ARL15: variants seen among roughly 807,000 people sequenced by gnomAD.
ARL15 encodes ADP-ribosylation factor-like protein 15.
Under a neutral mutation model 25.2 loss-of-function variants are expected in ARL15, and 19 were observed. The ratio of observed to expected loss-of-function variants is 0.75; its 90% confidence interval spans 0.53 to 1.10. ARL15 has a LOEUF of 1.10. Ranked by LOEUF, ARL15 falls within the 50% of genes least tolerant of loss-of-function variation. The pLI is 0.00. For missense variants in ARL15, 220 were observed against 246.0 expected (o/e 0.89, Z 0.71); for synonymous variants, 94 against 86.8 (o/e 1.08, Z -0.46).
intron 4 of ARL15, among the ~76,000 whole-genome samples, chr5:54,046,475 T>C (rs1750518264): frequency 6.6e-6 from 1 of 152,132 alleles, no homozygotes; most frequent in South Asian, 2.1e-4. Context: ...AGCGAGACTC[T>C]GTCTCAAAAT....
chr5:54,185,199 C>T (rs371986849), intron 1 of ARL15, among the ~76,000 whole-genome samples: 4 of 152,168 alleles, frequency 2.6e-5, no homozygotes, highest in African/African-American at 9.7e-5. Flanking sequence ...CTATGCACCT[C>T]CATGCAGTTT....
At chr5:54,302,768 G>A (rs919481499) in intron 1 of ARL15, among the ~76,000 whole-genome samples, 2 of 135,750 alleles carry the variant, frequency 1.5e-5, no homozygotes, top group Non-Finnish European at 3.0e-5. Flanking sequence ...TGAACCCAGC[G>A]GTTGCATGGC....
intron 4 of ARL15, among the ~76,000 whole-genome samples, chr5:53,978,633 AAAAG>A (rs749870507): frequency 0.059 from 8,658 of 147,916 alleles, 475 homozygotes; most frequent in Admixed American, 0.073. Flanking sequence ...AAAAAAAAAA[AAAAG>A]AAAAGAAAAG....
At chr5:54,263,529 C>T (rs1441796825) in intron 1 of ARL15, among the ~76,000 whole-genome samples, 1 of 152,038 alleles carries the variant, frequency 6.6e-6, no homozygotes, top group Admixed American at 6.6e-5. Flanking sequence ...GTATGCTTCC[C>T]AGCCCATTAT....
intron 1 of ARL15, among the ~76,000 whole-genome samples, chr5:54,253,067 A>G (rs1415920213): frequency 2.0e-5 from 3 of 151,956 alleles, no homozygotes; most frequent in Non-Finnish European, 4.4e-5. Flanking sequence ...GAATCAGGAG[A>G]GGGGACAATT....
chr5:54,039,848 T>TGCAGCTA (rs1750283359), intron 4 of ARL15, among the ~76,000 whole-genome samples: 1 of 130,818 alleles, frequency 7.6e-6, no homozygotes, highest in Non-Finnish European at 1.6e-5. Context: ...AATTAATAAA[T>TGCAGCTA]GCAGCTAGAA....
intron 4 of ARL15, among the ~76,000 whole-genome samples, chr5:54,030,803 G>C (rs943088150): frequency 6.6e-6 from 1 of 152,180 alleles, no homozygotes; most frequent in South Asian, 2.1e-4. Context: ...AGGGCAAAGA[G>C]CACTAAAATG....
At chr5:54,160,861 G>T (rs1344069533) in intron 2 of ARL15, among the ~76,000 whole-genome samples, 1 of 152,082 alleles carries the variant, frequency 6.6e-6, no homozygotes, top group East Asian at 1.9e-4. Context: ...AACTCTGAAG[G>T]TAGATTCTCT....
intron 3 of ARL15, among the ~76,000 whole-genome samples, chr5:54,144,368 T>G (rs1223934721): frequency 6.6e-6 from 1 of 152,158 alleles, no homozygotes. Context: ...TCTTTTTGTA[T>G]GTCATTCTGA....
intron 1 of ARL15, among the ~76,000 whole-genome samples, chr5:54,289,793 TA>T (rs972621512): frequency 2.0e-5 from 3 of 152,234 alleles, no homozygotes; most frequent in Non-Finnish European, 4.4e-5. Context: ...CAATGAGTTA[TA>T]AAAGGAAATA....
At position 54,171,859 on chromosome 5, in the gene ARL15, G is replaced by C; in HGVS notation, c.118C>G (p.Leu40Val). The change falls in exon 2 of 5, where the codon CTC becomes GTC. Residue 40 changes from leucine (L) to valine (V), a missense_variant. By Grantham distance (32) the Leu-to-Val change is conservative. Transcript: ENST00000504924. ...RPEYDLVCIG[L>V]TGSGKTSLLS... ...AGACTGGTTTTGCCAGAACCTGTGA[G>C]GCCTATGCAAACCAGGTCATATTCT... 3 of 1,613,686 alleles carry C rather than the reference G, an allele frequency of 1.9e-6. No homozygotes were observed. The highest frequency in any genetic ancestry group is 2.5e-6 in the Non-Finnish European group (3 of 1,179,746).
At chr5:54,211,768 G>A (rs1341038443) in intron 1 of ARL15, among the ~76,000 whole-genome samples, 2 of 151,852 alleles carry the variant, frequency 1.3e-5, no homozygotes, top group East Asian at 1.9e-4. Flanking sequence ...CACCGTGACC[G>A]GCCAAATGAA....
At chr5:54,156,808 A>G (rs534267721) in intron 2 of ARL15, among the ~76,000 whole-genome samples, 1 of 152,330 alleles carries the variant, frequency 6.6e-6, no homozygotes, top group East Asian at 1.9e-4. Context: ...GTAAATGAGC[A>G]GGAGGAAAGA....
chr5:54,175,898 C>T (rs1202823606), intron 1 of ARL15, among the ~76,000 whole-genome samples: 1 of 152,138 alleles, frequency 6.6e-6, no homozygotes, highest in Non-Finnish European at 1.5e-5. Flanking sequence ...GTGATCCACT[C>T]ACCCCGGCTG....
At chr5:54,048,227 C>T (rs906121399) in intron 4 of ARL15, 6 of 152,024 alleles carry the variant, frequency 3.9e-5, no homozygotes, top group Non-Finnish European at 5.9e-5. Context: ...TGCACTACAG[C>T]CCAGAACTCC....
intron 1 of ARL15, among the ~76,000 whole-genome samples, chr5:54,174,021 G>A (rs1329730006): frequency 6.6e-6 from 1 of 152,112 alleles, no homozygotes. Flanking sequence ...GATTGTGTTA[G>A]CAATTCACGT....
At chr5:54,228,867 A>T (rs1203551111) in intron 1 of ARL15, among the ~76,000 whole-genome samples, 1 of 152,218 alleles carries the variant, frequency 6.6e-6, no homozygotes, top group Non-Finnish European at 1.5e-5. Flanking sequence ...GAGCATTTTT[A>T]AAAGGATATC....
At chr5:54,175,356 CAG>C (rs1399664392) in intron 1 of ARL15, among the ~76,000 whole-genome samples, 3 of 150,612 alleles carry the variant, frequency 2.0e-5, no homozygotes, top group Non-Finnish European at 4.4e-5. Flanking sequence ...TTTTTTCAGA[CAG>C]AGTTTCACTC....
chr5:53,947,221 T>TGTGTGTGTGTGTGTGTG (rs57259252), intron 4 of ARL15, among the ~76,000 whole-genome samples: 1 of 114,810 alleles, frequency 8.7e-6, no homozygotes, highest in African/African-American at 3.4e-5. Context: ...TGTGTGTGTG[T>TGTGTGTGTGTGTGTGTG]TGAGGGCTGG....
Sources: allele counts gnomAD v4.1 joint callset (sites outside exome capture counted in the v4.1 genomes callset), GRCh38; gene constraint gnomAD v4.1.1; transcripts MANE v1.5; gene names NCBI Gene and HGNC (gene_info 2026-07-23, HGNC 2026-07-21).